Variants in LMTK2 observed in about 807,000 individuals in gnomAD.
LMTK2 encodes serine/threonine-protein kinase LMTK2.
In LMTK2, 37 loss-of-function variants were observed where a neutral mutation model predicts 127.5. That is an observed-to-expected ratio of 0.29 (90% CI 0.22 to 0.38). The LOEUF (loss-of-function observed/expected upper bound fraction) is 0.38, where lower values mean the gene tolerates loss of function less well. Ranked by LOEUF, LMTK2 falls within the 10% of genes least tolerant of loss-of-function variation. The pLI is 1.00. For missense variants in LMTK2, 1,694 were observed against 1,920.3 expected (o/e 0.88, Z 2.20); for synonymous variants, 819 against 810.1 (o/e 1.01, Z -0.19).
At chr7:98,200,685 T>C (rs989414720) in intron 11 of LMTK2, among the ~76,000 whole-genome samples, 2 of 152,108 alleles carry the variant, frequency 1.3e-5, no homozygotes, top group Non-Finnish European at 2.9e-5. Flanking sequence ...AAGTGCTTTA[T>C]ATGAAATGGC....
chr7:98,156,110 G>A (rs1584268110), intron 5 of LMTK2, among the ~76,000 whole-genome samples: 1 of 152,174 alleles, frequency 6.6e-6, no homozygotes, highest in Non-Finnish European at 1.5e-5. Context: ...ATAAGCACAT[G>A]AAAAGACGTT....
intron 6 of LMTK2, among the ~76,000 whole-genome samples, chr7:98,168,805 G>A (rs884897): frequency 0.19 from 29,093 of 152,026 alleles, 3,003 homozygotes; most frequent in South Asian, 0.35. Flanking sequence ...CTGCCATCTA[G>A]TGTCCTAAGT....
chr7:98,191,917 C>T lies in LMTK2; in HGVS notation c.1452C>T (p.Asp484=), dbSNP rs766908701. The T allele has an allele frequency of 2.5e-6, 4 of 1,614,160 alleles. No individual in the cohort carries two copies. The change falls in exon 11 of 14, where the codon GAC becomes GAT. Residue 484 remains aspartate (D), a synonymous_variant. Coordinates refer to ENST00000297293, the MANE Select transcript of LMTK2 (RefSeq NM_014916.4). The part of the protein sequence containing the change: ...FEYVWEAAKH[D]HFDERSRGHL... ...ATGTCTGGGAGGCCGCTAAGCACGA[C>T]CACTTTGACGAGCGCAGCCGGGGCC...
At chr7:98,129,734 C>T (rs1295674089) in intron 1 of LMTK2, among the ~76,000 whole-genome samples, 2 of 150,416 alleles carry the variant, frequency 1.3e-5, no homozygotes, top group African/African-American at 5.0e-5. Flanking sequence ...TTTCCTGTTT[C>T]GTTCCCTTGC....
chr7:98,152,835 G>C (rs1268321273), intron 4 of LMTK2, among the ~76,000 whole-genome samples: 1 of 152,192 alleles, frequency 6.6e-6, no homozygotes, highest in African/African-American at 2.4e-5. Flanking sequence ...GGGCTAGAAG[G>C]CTCCTGCAGG....
intron 13 of LMTK2, 152 bp from the exon 14 acceptor site, chr7:98,205,312 G>A (rs181386986): frequency 4.1e-4 from 359 of 868,046 alleles, no homozygotes; most frequent in Non-Finnish European, 6.1e-4. Flanking sequence ...GGCTGCTTCC[G>A]AAGGAAAGGA....
intron 11 of LMTK2, among the ~76,000 whole-genome samples, chr7:98,202,922 TC>T (rs1251820607): frequency 3.9e-5 from 6 of 152,080 alleles, no homozygotes; most frequent in Non-Finnish European, 7.4e-5. Flanking sequence ...GTGCCATACT[TC>T]CTGCAATCGC....
At position 98,196,593 on chromosome 7, in the gene LMTK2, T is replaced by C. The variant is rs922459392; in HGVS notation, c.4107+2021T>C. ...CACTTCCTGAAAGCCTGGGGGTAGC[T>C]GGAGTAGTGAGAGGGACGCAGTCCC... On this transcript the variant is annotated intron_variant, in intron 11 of 13. Transcript: ENST00000297293. Among the ~76,000 whole-genome samples the C allele has an allele frequency of 3.9e-5, 6 of 152,276 alleles. No individual in the cohort carries two copies. In the East Asian group the frequency reaches 1.2e-3, roughly 29 times the overall value.
chr7:98,151,036 G>A (rs1245913670), intron 3 of LMTK2, among the ~76,000 whole-genome samples: 1 of 152,114 alleles, frequency 6.6e-6, no homozygotes, highest in African/African-American at 2.4e-5. Flanking sequence ...ATTAAGGAGA[G>A]TAGTTTAAGA....
At chr7:98,146,901 A>AG in intron 3 of LMTK2, among the ~76,000 whole-genome samples, 1 of 152,296 alleles carries the variant, frequency 6.6e-6, no homozygotes, top group Admixed American at 6.5e-5. Context: ...TTCAGCCTGG[A>AG]GGACTCCCAT....
intron 11 of LMTK2, among the ~76,000 whole-genome samples, chr7:98,202,770 A>G (rs1347813152): frequency 6.6e-6 from 1 of 152,146 alleles, no homozygotes; most frequent in African/African-American, 2.4e-5. Flanking sequence ...TCTACCACAC[A>G]CAGCCCAGGA....
chr7:98,161,538 C>T (rs1797016615), intron 6 of LMTK2, among the ~76,000 whole-genome samples: 1 of 152,020 alleles, frequency 6.6e-6, no homozygotes, highest in African/African-American at 2.4e-5. Flanking sequence ...GACACAGGAT[C>T]AATTATTTAG....
At chr7:98,186,031 C>T (rs13221480) in intron 8 of LMTK2, among the ~76,000 whole-genome samples, 19,585 of 151,556 alleles carry the variant, frequency 0.13, 2,018 homozygotes, top group African/African-American at 0.28. Context: ...ATGTCAGGCA[C>T]TTAGCACCTG....
At chr7:98,174,566 C>T (rs1797248321) in intron 7 of LMTK2, among the ~76,000 whole-genome samples, 1 of 152,226 alleles carries the variant, frequency 6.6e-6, no homozygotes, top group Non-Finnish European at 1.5e-5. Flanking sequence ...CCGTGAGATG[C>T]CACCAGGTCG....
chr7:98,133,148 C>A (rs750815758), intron 1 of LMTK2, among the ~76,000 whole-genome samples: 1 of 152,180 alleles, frequency 6.6e-6, no homozygotes, highest in Non-Finnish European at 1.5e-5. Context: ...GGAAAGCATA[C>A]GTATTCCGCC....
intron 9 of LMTK2, among the ~76,000 whole-genome samples, chr7:98,188,861 G>T (rs1455475176): frequency 3.9e-5 from 6 of 152,222 alleles, no homozygotes; most frequent in Non-Finnish European, 8.8e-5. Context: ...CCCAAGACTT[G>T]GGAAGTTTTT....
rs188760642 is a variant in LMTK2, at chr7:98,203,684, C to T, written c.4218C>T (p.Ser1406=). The change falls in exon 12 of 14, where the codon TCC becomes TCT. Residue 1406 remains serine, a synonymous_variant. Transcript: ENST00000297293. ...GSPYLSRCIN[S]ESSTDEEGGG... is the part of the protein sequence containing the mutation. ...CCTACCTGAGCAGGTGCATCAACTC[C>T]GAAAGCTCCACCGACGAAGAAGGTA... 2.2e-4 allele frequency: 355 copies of T among 1,613,808 alleles called. 2 individuals are homozygous for T. The highest frequency in any genetic ancestry group is 5.2e-4 in the Admixed American group (31 of 59,972).
chr7:98,205,225 A>G (rs1356533379), intron 13 of LMTK2, among the ~76,000 whole-genome samples: 1 of 152,172 alleles, frequency 6.6e-6, no homozygotes, highest in African/African-American at 2.4e-5. Context: ...TGTGGATCCC[A>G]GCTGACTTCT....
rs777327408 is a variant in LMTK2, at chr7:98,192,522, A to G, written c.2057A>G (p.Glu686Gly). ...PKESVITGHF[E>G]KEKPRKIFDS... ...GAGTCAGTCATAACAGGCCACTTTG[A>G]GAAAGAAAAGCCCCGTAAGATTTTT... Residue 686 changes from glutamate to glycine, a missense_variant, in exon 11 of 14, where the codon GAG (glutamate) becomes GGG (glycine). By Grantham distance (98) the Glu-to-Gly change is moderately conservative. Transcript: ENST00000297293. 1.9e-6 allele frequency: 3 copies of G among 1,610,596 alleles called. No homozygotes were observed. Among genetic ancestry groups the G allele is most frequent in the Non-Finnish European group, 2.5e-6 (3 of 1,179,222 alleles).
Sources: allele counts gnomAD v4.1 joint callset (sites outside exome capture counted in the v4.1 genomes callset), GRCh38; gene constraint gnomAD v4.1.1; transcripts MANE v1.5; gene names NCBI Gene and HGNC (gene_info 2026-07-23, HGNC 2026-07-21).